Variants in SBF2 observed in about 807,000 individuals in gnomAD.
The protein encoded by SBF2 is myotubularin-related protein 13.
A neutral mutation model predicts 225.2 loss-of-function variants in SBF2; 112 were observed. The observed-to-expected ratio is 0.50, with a 90% CI of 0.43 to 0.58. The LOEUF is 0.58. Ranked by LOEUF, SBF2 falls within the 20% of genes least tolerant of loss-of-function variation. SBF2 has a pLI of 0.00. For missense variants in SBF2, 1,996 were observed against 2,206.2 expected (o/e 0.90, Z 1.91); for synonymous variants, 763 against 773.3 (o/e 0.99, Z 0.22).
chr11:10,281,279 T>G lies in SBF2; in HGVS notation c.55+12736A>C, dbSNP rs1275600580. 3.9e-5 allele frequency among the ~76,000 whole-genome samples: 6 copies of G among 152,312 alleles called. No individual in the cohort carries two copies. The East Asian group carries it at 1.2e-3, about 29-fold the overall frequency. On this transcript the variant is annotated intron_variant, in intron 1 of 39. Transcript: ENST00000256190. ...CTTTTTGCTCTGATATACCTAGGGT[T>G]TGGGCCTTACCTACTTGGCCCAAGA...
intron 1 of SBF2, among the ~76,000 whole-genome samples, chr11:10,225,154 C>G (rs1287051125): frequency 6.6e-6 from 1 of 151,854 alleles, no homozygotes; most frequent in African/African-American, 2.4e-5. Context: ...TCTATGTTAC[C>G]TCAGAATTAG....
intron 17 of SBF2, among the ~76,000 whole-genome samples, chr11:9,881,221 T>C (rs987816629): frequency 2.6e-5 from 4 of 152,194 alleles, no homozygotes; most frequent in African/African-American, 7.2e-5. Flanking sequence ...AAAGTAAGAA[T>C]TGTATTTGGA....
intron 2 of SBF2, among the ~76,000 whole-genome samples, chr11:10,109,981 A>C (rs1422203907): frequency 6.6e-6 from 1 of 152,250 alleles, no homozygotes; most frequent in African/African-American, 2.4e-5. Context: ...AAATATTTCA[A>C]ATTCCACACA....
chr11:10,261,873 T>G (rs1591326152), intron 1 of SBF2, among the ~76,000 whole-genome samples: 1 of 152,086 alleles, frequency 6.6e-6, no homozygotes, highest in Non-Finnish European at 1.5e-5. Flanking sequence ...CATAAAGAAA[T>G]ATGTGCTATA....
rs745662567 is a variant in SBF2 at position 9,850,204 on chromosome 11, T to C, written c.2625A>G (p.Arg875=). ...TTTCTTCTCCTGGCAGCAGAGCAGG[T>C]CTAAGAATCTTGGGCTTACAACAGA... ...LPPIQKPKIL[R]PALLPGEEIV... Residue 875 remains arginine, a synonymous_variant, in exon 22 of 40, where the codon AGA becomes AGG. Transcript: ENST00000256190. The C allele has an allele frequency of 6.2e-7, 1 of 1,613,352 alleles. No homozygotes were observed. The highest frequency in any genetic ancestry group is 2.2e-5 in the East Asian group (1 of 44,882).
At chr11:9,977,287 C>A (rs1946738222) in intron 13 of SBF2, among the ~76,000 whole-genome samples, 1 of 151,822 alleles carries the variant, frequency 6.6e-6, no homozygotes, top group Non-Finnish European at 1.5e-5. Context: ...AGTTCAAGAC[C>A]ATCCTGGGCA....
intron 2 of SBF2, among the ~76,000 whole-genome samples, chr11:10,082,866 G>A (rs1476049578): frequency 3.3e-5 from 5 of 152,114 alleles, no homozygotes; most frequent in African/African-American, 1.2e-4. Context: ...ATTCAACACA[G>A]TACTGGAAAT....
intron 1 of SBF2, among the ~76,000 whole-genome samples, chr11:10,279,974 A>T (rs1963289043): frequency 6.6e-6 from 1 of 152,224 alleles, no homozygotes. Flanking sequence ...AATGTGCATC[A>T]TTATAGAACA....
At chr11:10,263,166 TTC>T (rs1243689989) in intron 1 of SBF2, among the ~76,000 whole-genome samples, 1 of 152,056 alleles carries the variant, frequency 6.6e-6, no homozygotes, top group Non-Finnish European at 1.5e-5. Context: ...TTCAAGAATC[TTC>T]TGTTATCCTT....
At chr11:9,958,430 T>C (rs1866333103) in intron 16 of SBF2, 1 of 148,476 alleles carries the variant, frequency 6.7e-6, no homozygotes, top group Non-Finnish European at 1.5e-5. Flanking sequence ...CAATCTCGGC[T>C]CACTGCAGGC....
intron 2 of SBF2, among the ~76,000 whole-genome samples, chr11:10,166,741 C>G (rs1434237956): frequency 6.6e-6 from 1 of 151,874 alleles, no homozygotes; most frequent in East Asian, 1.9e-4. Flanking sequence ...GGTGGGGAGA[C>G]CACTTGAGGC....
chr11:9,811,745 A>G (rs1473445709), intron 30 of SBF2, among the ~76,000 whole-genome samples: 2 of 151,480 alleles, frequency 1.3e-5, no homozygotes, highest in Admixed American at 6.6e-5. Flanking sequence ...TTTTAGTCCA[A>G]TGTGCTGTGG....
intron 1 of SBF2, among the ~76,000 whole-genome samples, chr11:10,224,634 TC>T (rs1264623847): frequency 6.6e-6 from 1 of 152,096 alleles, no homozygotes; most frequent in African/African-American, 2.4e-5. Flanking sequence ...TAATAGGCTG[TC>T]CCCTCAAACT....
At chr11:10,234,169 A>T (rs772552740) in intron 1 of SBF2, among the ~76,000 whole-genome samples, 12 of 152,248 alleles carry the variant, frequency 7.9e-5, no homozygotes, top group African/African-American at 1.7e-4. Context: ...ATAAAATTTT[A>T]AAAATATGGA....
At chr11:10,009,334 G>A (rs191418186) in intron 6 of SBF2, among the ~76,000 whole-genome samples, 1 of 152,262 alleles carries the variant, frequency 6.6e-6, no homozygotes, top group Non-Finnish European at 1.5e-5. Context: ...AGGTATACCT[G>A]TGCCATGGTG....
chr11:10,060,701 T>A (rs2134752676), intron 2 of SBF2, among the ~76,000 whole-genome samples: 1 of 152,258 alleles, frequency 6.6e-6, no homozygotes, highest in South Asian at 2.1e-4. Context: ...GTAGGCTTCA[T>A]CCCTGGGATG....
intron 16 of SBF2, among the ~76,000 whole-genome samples, chr11:9,917,827 T>G (rs1015764781): frequency 6.6e-6 from 1 of 151,470 alleles, no homozygotes; most frequent in Non-Finnish European, 1.5e-5. Flanking sequence ...CACCTCCAAT[T>G]TGATGTCTTT....
intron 2 of SBF2, among the ~76,000 whole-genome samples, chr11:10,187,295 T>C (rs1225333057): frequency 6.6e-6 from 1 of 150,758 alleles, no homozygotes; most frequent in Non-Finnish European, 1.5e-5. Context: ...TCTCTCTCTC[T>C]CCTTTTTCTC....
At chr11:10,259,327 C>G (rs1031676150) in intron 1 of SBF2, among the ~76,000 whole-genome samples, 1 of 152,084 alleles carries the variant, frequency 6.6e-6, no homozygotes, top group African/African-American at 2.4e-5. Context: ...AAAGTATCTC[C>G]ACCTCAGTAA....
Sources: gnomAD v4.1 joint callset for allele counts (sites outside exome capture counted in the v4.1 genomes callset) on GRCh38, gnomAD v4.1.1 for gene constraint, MANE v1.5 for transcripts, NCBI Gene and HGNC (gene_info 2026-07-23, HGNC 2026-07-21) for gene names.